BRINP3: variants seen among roughly 807,000 people sequenced by gnomAD.
The protein encoded by BRINP3 is BMP/retinoic acid inducible neural specific 3, also known as BMP/retinoic acid-inducible neural-specific protein 3.
A neutral mutation model predicts 71.0 loss-of-function variants in BRINP3; 19 were observed. That is an observed-to-expected ratio of 0.27 (90% confidence interval 0.19 to 0.39). The LOEUF (loss-of-function observed/expected upper bound fraction) is 0.39. Among genes scored for constraint, BRINP3 ranks in the 10% least tolerant of loss-of-function variants. The probability of loss-of-function intolerance (pLI) is 1.00; values close to 1 mark genes in which losing one functional copy is unlikely to be tolerated. For synonymous variants in BRINP3, 380 were observed against 337.7 expected, an observed-to-expected ratio of 1.13 and a Z score of -1.37; for missense variants, 959 against 940.8, an observed-to-expected ratio of 1.02 and a Z score of -0.25.
intron 1 of BRINP3, among the ~76,000 whole-genome samples, chr1:190,464,371 T>C (rs777585024): frequency 3.3e-5 from 5 of 152,002 alleles, no homozygotes; most frequent in African/African-American, 4.8e-5. Context: ...ATTATTAAAG[T>C]AAGTAGAGAC....
At chr1:190,475,536 C>A (rs539404439) in intron 1 of BRINP3, among the ~76,000 whole-genome samples, 1 of 152,266 alleles carries the variant, frequency 6.6e-6, no homozygotes, top group South Asian at 2.1e-4. Flanking sequence ...CTTTCCTACA[C>A]GCATGGGTTA....
At chr1:190,262,338 G>T (rs1227973148) in intron 4 of BRINP3, among the ~76,000 whole-genome samples, 2 of 152,012 alleles carry the variant, frequency 1.3e-5, no homozygotes, top group Non-Finnish European at 2.9e-5. Context: ...CCTGAAAGGT[G>T]TAATTGCTCT....
intron 2 of BRINP3, among the ~76,000 whole-genome samples, chr1:190,286,624 G>A (rs1663444901): frequency 1.3e-5 from 2 of 152,068 alleles, no homozygotes; most frequent in Non-Finnish European, 2.9e-5. Context: ...GTTGTCTAAA[G>A]TCCTAAATGC....
At chr1:190,285,198 T>G (rs1411147276) in intron 2 of BRINP3, among the ~76,000 whole-genome samples, 1 of 152,164 alleles carries the variant, frequency 6.6e-6, no homozygotes, top group Non-Finnish European at 1.5e-5. Flanking sequence ...CAGTCATCTC[T>G]GGAGAACCAC....
At chr1:190,143,924 A>G (rs1655667147) in intron 7 of BRINP3, among the ~76,000 whole-genome samples, 2 of 152,208 alleles carry the variant, frequency 1.3e-5, no homozygotes, top group African/African-American at 4.8e-5. Context: ...TTTATCAAAT[A>G]ATATGATCAA....
At chr1:190,343,479 T>C (rs1667804814) in intron 2 of BRINP3, among the ~76,000 whole-genome samples, 1 of 151,774 alleles carries the variant, frequency 6.6e-6, no homozygotes, top group African/African-American at 2.4e-5. Context: ...TACTTAACTG[T>C]AAAATTGGAA....
At chr1:190,153,292 T>C (rs1656580293) in intron 7 of BRINP3, among the ~76,000 whole-genome samples, 1 of 152,148 alleles carries the variant, frequency 6.6e-6, no homozygotes, top group South Asian at 2.1e-4. Context: ...CAATTTTATT[T>C]TGAGTATGAA....
intron 5 of BRINP3, among the ~76,000 whole-genome samples, chr1:190,229,094 A>C (rs1003556179): frequency 2.6e-5 from 4 of 152,090 alleles, no homozygotes; most frequent in Non-Finnish European, 5.9e-5. Context: ...AAATGAAGTG[A>C]GAATTTCTGG....
At chr1:190,211,878 A>G (rs1656018315) in intron 6 of BRINP3, among the ~76,000 whole-genome samples, 1 of 152,166 alleles carries the variant, frequency 6.6e-6, no homozygotes, top group Non-Finnish European at 1.5e-5. Context: ...AAACACTGGT[A>G]CAGTCAGGCA....
chr1:190,421,081 A>G (rs1190231708), intron 2 of BRINP3, among the ~76,000 whole-genome samples: 3 of 151,700 alleles, frequency 2.0e-5, no homozygotes, highest in Non-Finnish European at 4.4e-5. Context: ...ACAACGGCAC[A>G]AATATTTAAC....
intron 6 of BRINP3, among the ~76,000 whole-genome samples, chr1:190,180,358 C>T (rs531048530): frequency 1.3e-5 from 2 of 152,200 alleles, no homozygotes; most frequent in South Asian, 4.1e-4. Flanking sequence ...ATAGCTGTTA[C>T]TGTCTTTCTG....
chr1:190,404,434 T>C (rs1403528388), intron 2 of BRINP3, among the ~76,000 whole-genome samples: 3 of 152,192 alleles, frequency 2.0e-5, no homozygotes. Flanking sequence ...AAGTTACATA[T>C]GCTCACGACT....
intron 2 of BRINP3, among the ~76,000 whole-genome samples, chr1:190,453,839 G>A (rs1316452160): frequency 6.6e-6 from 1 of 152,114 alleles, no homozygotes; most frequent in Non-Finnish European, 1.5e-5. Flanking sequence ...CACAACAAAT[G>A]TGCTTCTTTA....
intron 2 of BRINP3, among the ~76,000 whole-genome samples, chr1:190,417,337 C>T (rs565065321): frequency 2.4e-4 from 36 of 152,012 alleles, no homozygotes; most frequent in Non-Finnish European, 5.0e-4. Context: ...TACAGAAATA[C>T]ATATTTTGTG....
chr1:190,110,446 G>A (rs1241155898), intron 7 of BRINP3, among the ~76,000 whole-genome samples: 2 of 152,188 alleles, frequency 1.3e-5, no homozygotes, highest in Non-Finnish European at 2.9e-5. Flanking sequence ...GGAAAAAAAT[G>A]TGAGCTGCTC....
At chr1:190,387,736 C>G (rs1207510186) in intron 2 of BRINP3, among the ~76,000 whole-genome samples, 2 of 151,822 alleles carry the variant, frequency 1.3e-5, no homozygotes, top group African/African-American at 4.8e-5. Flanking sequence ...GTCTTAACCT[C>G]TCTTTTTACT....
At chr1:190,202,655 T>G (rs1428658150) in intron 6 of BRINP3, among the ~76,000 whole-genome samples, 1 of 152,070 alleles carries the variant, frequency 6.6e-6, no homozygotes, top group Non-Finnish European at 1.5e-5. Context: ...GACAGGTCTT[T>G]CCCATGCTAT....
At chr1:190,136,802 A>C (rs1201737933) in intron 7 of BRINP3, among the ~76,000 whole-genome samples, 1 of 152,104 alleles carries the variant, frequency 6.6e-6, no homozygotes, top group African/African-American at 2.4e-5. Flanking sequence ...AACCTAGAAG[A>C]GCTATGAGAA....
At chr1:190,344,284 T>C (rs903098373) in intron 2 of BRINP3, among the ~76,000 whole-genome samples, 1 of 151,824 alleles carries the variant, frequency 6.6e-6, no homozygotes, top group Non-Finnish European at 1.5e-5. Flanking sequence ...GTTACTTCAA[T>C]ACTTTCAATT....
Sources: gnomAD v4.1 joint callset for allele counts (sites outside exome capture counted in the v4.1 genomes callset) on GRCh38, gnomAD v4.1.1 for gene constraint, MANE v1.5 for transcripts, NCBI Gene and HGNC (gene_info 2026-07-23, HGNC 2026-07-21) for gene names.